Variants in FAT3 observed in about 807,000 individuals in gnomAD.
FAT3 encodes protocadherin Fat 3.
FAT3 carries 95 observed loss-of-function variants against 310.2 expected under a neutral mutation model. The observed-to-expected ratio is 0.31, with a 90% CI of 0.26 to 0.36. The LOEUF (loss-of-function observed/expected upper bound fraction) is 0.36, where lower values mean the gene tolerates loss of function less well. Among genes scored for constraint, FAT3 ranks in the 10% least tolerant of loss-of-function variants. The pLI, the probability that FAT3 is intolerant of heterozygous loss-of-function variation, is 1.00. For synonymous variants in FAT3, 2,314 were observed against 2,192.9 expected (o/e 1.06, Z -1.54); for missense variants, 5,408 against 5,715.6 (o/e 0.95, Z 1.74).
chr11:92,344,191 C>T (rs1948348687), intron 1 of FAT3, among the ~76,000 whole-genome samples: 1 of 152,160 alleles, frequency 6.6e-6, no homozygotes, highest in African/African-American at 2.4e-5. Context: ...CCCAATGTCT[C>T]ACTTATCCAC....
intron 1 of FAT3, among the ~76,000 whole-genome samples, chr11:92,311,664 G>T (rs1947308520): frequency 6.6e-6 from 1 of 152,166 alleles, no homozygotes; most frequent in African/African-American, 2.4e-5. Flanking sequence ...GGTGAAAGGA[G>T]GACACTATCA....
chr11:92,248,377 A>G (rs979259275), intron 1 of FAT3, among the ~76,000 whole-genome samples: 1 of 152,138 alleles, frequency 6.6e-6, no homozygotes, highest in Admixed American at 6.6e-5. Context: ...TACCCTCTGC[A>G]TACTTTTCCT....
At chr11:92,235,395 A>G (rs536763992) in intron 1 of FAT3, among the ~76,000 whole-genome samples, 2 of 152,104 alleles carry the variant, frequency 1.3e-5, no homozygotes, top group African/African-American at 2.4e-5. Context: ...GTCCCCCTAC[A>G]CTTTGTGGTA....
At chr11:92,889,343 G>A (rs1248233384) in intron 26 of FAT3, 95 bp downstream of exon 26, 6 of 533,318 alleles carry the variant, frequency 1.1e-5, no homozygotes, top group African/African-American at 7.8e-5. Context: ...CACAGAGGGG[G>A]CAATAAACAG....
At chr11:92,832,741 GA>G (rs1565633180) in intron 14 of FAT3, among the ~76,000 whole-genome samples, 1 of 152,096 alleles carries the variant, frequency 6.6e-6, no homozygotes, top group Non-Finnish European at 1.5e-5. Flanking sequence ...GCACATGTTG[GA>G]AAATGTTCAT....
At chr11:92,570,795 T>C (rs939318304) in intron 3 of FAT3, among the ~76,000 whole-genome samples, 2 of 152,232 alleles carry the variant, frequency 1.3e-5, no homozygotes, top group African/African-American at 4.8e-5. Flanking sequence ...CCAGTCGTTT[T>C]CAGGGTTTCT....
chr11:92,713,289 T>A (rs1944581547), intron 4 of FAT3, among the ~76,000 whole-genome samples: 1 of 152,210 alleles, frequency 6.6e-6, no homozygotes, highest in Non-Finnish European at 1.5e-5. Flanking sequence ...GTTCTCTCCT[T>A]GATTGTCATG....
chr11:92,354,738 C>G lies in FAT3; in HGVS notation c.2626C>G (p.Gln876Glu), dbSNP rs761429833. The G allele has an allele frequency of 5.6e-6, 9 of 1,613,906 alleles. No individual in the cohort carries two copies. In the South Asian group the frequency reaches 8.8e-5, roughly 16 times the overall value. The part of the protein sequence containing the change: ...VTYSVLTDTQ[Q>E]FAINSSTGIV... ...TTACTCAGTCTTGACAGATACACAG[C>G]AGTTTGCCATCAATAGCTCAACTGG... The change falls in exon 2 of 28, where the codon CAG becomes GAG. Residue 876 changes from glutamine to glutamate, a missense_variant. Transcript: ENST00000525166.
At chr11:92,774,201 A>G (rs530047026) in intron 7 of FAT3, 21 bp downstream of exon 7, 10 of 1,591,714 alleles carry the variant, frequency 6.3e-6, no homozygotes, top group Non-Finnish European at 8.6e-6. Context: ...AAATTACTGA[A>G]TAGCAGGAAT....
At chr11:92,516,469 G>A (rs1205970039) in intron 2 of FAT3, among the ~76,000 whole-genome samples, 2 of 152,080 alleles carry the variant, frequency 1.3e-5, no homozygotes. Flanking sequence ...CAATAAACTA[G>A]GTATTGAGGG....
rs145397709 is a variant in FAT3 at position 92,535,367 on chromosome 11, T to G, written c.3607+10419T>G. Among the ~76,000 whole-genome samples the G allele has an allele frequency of 3.9e-5, 6 of 152,276 alleles. No homozygotes were observed. The East Asian group carries it at 1.2e-3, about 29-fold the overall frequency. On this transcript the variant is annotated intron_variant, in intron 3 of 27. Transcript: ENST00000525166. ...ACCATGAATCTGCCAACAACCTGAT[T>G]GTGAACTTTCAGCCTTCAGAACTCT...
rs929483109 is a variant in FAT3, at chr11:92,555,703, C to T, written c.3607+30755C>T. ...AATCCTGGCAGCTACTCTTCTTCCT[C>T]AAGACTGGGTCAGAGCCCTGCTCAG... On this transcript the variant is annotated intron_variant, in intron 3 of 27. Transcript: ENST00000525166. Among the ~76,000 whole-genome samples the T allele has an allele frequency of 5.9e-5, 9 of 152,212 alleles. No individual in the cohort carries two copies. In the South Asian group the frequency reaches 6.2e-4, roughly 10 times the overall value.
chr11:92,327,195 C>T (rs1322112813), intron 1 of FAT3, among the ~76,000 whole-genome samples: 3 of 152,002 alleles, frequency 2.0e-5, no homozygotes, highest in Non-Finnish European at 4.4e-5. Flanking sequence ...TGTAGGCTTC[C>T]TATTAAAAGG....
chr11:92,800,491 G>A lies in FAT3; in HGVS notation c.7478G>A (p.Ser2493Asn). 5 of 1,613,974 alleles carry A rather than the reference G, an allele frequency of 3.1e-6. No homozygotes were observed. Among genetic ancestry groups the A allele is most frequent in the Non-Finnish European group, 4.2e-6 (5 of 1,179,868 alleles). Residue 2493 changes from serine (S) to asparagine (N), a missense_variant, in exon 10 of 28, where the codon AGC becomes AAC. Around this residue, in one of 5 missense-constraint regions of FAT3, gnomAD observed 4,588 missense variants for 4,809.8 expected, o/e 0.95. Transcript: ENST00000525166. Reference sequence around the variant, plus strand: ...AGGGTACTTGGGGCTAACTTGTACAGCCCTGCCTTTTCACAAAGCACATAC... The same window carrying A: ...AGGGTACTTGGGGCTAACTTGTACAACCCTGCCTTTTCACAAAGCACATAC... ...HIRVLGANLY[S>N]PAFSQSTYVA...
At position 92,798,759 on chromosome 11, in the gene FAT3, C is replaced by A; in HGVS notation, c.5746C>A (p.Pro1916Thr). 1 of 1,613,752 alleles carries A rather than the reference C, an allele frequency of 6.2e-7. No homozygotes were observed. The highest frequency in any genetic ancestry group is 1.1e-5 in the South Asian group (1 of 91,038). ...SATDPDSEVP[P>T]ELTYSLMEGS... is the part of the protein sequence containing the mutation. ...CACAGATCCTGACTCTGAGGTACCC[C>A]CTGAACTGACATACAGCCTAATGGA... The change falls in exon 10 of 28, where the codon CCT (proline) becomes ACT (threonine). Residue 1916 changes from proline to threonine, a missense_variant. Pro to Thr is a conservative substitution (Grantham distance 38). Coordinates refer to ENST00000525166, the MANE Select transcript of FAT3 (RefSeq NM_001367949.2).
chr11:92,284,859 C>T (rs1245950482), intron 1 of FAT3, among the ~76,000 whole-genome samples: 3 of 152,076 alleles, frequency 2.0e-5, no homozygotes, highest in South Asian at 2.1e-4. Context: ...GTGGAAGATC[C>T]TCTATAAATA....
rs1479912668 is a variant in FAT3, at chr11:92,801,554, A to C, written c.8541A>C (p.Gly2847=). 6.2e-7 allele frequency: 1 copy of C among 1,608,078 alleles called. No individual in the cohort carries two copies. Among genetic ancestry groups the C allele is most frequent in the East Asian group, 2.2e-5 (1 of 44,690 alleles). ...TTGATATGGACTGGGGAGCCAATGGACAAGTCACTTACTCCCTCCACTCGG... is the reference window on the plus strand; with the variant it reads ...TTGATATGGACTGGGGAGCCAATGGCCAAGTCACTTACTCCCTCCACTCGG... ...RAIDMDWGAN[G]QVTYSLHSDS... Residue 2847 remains glycine, a synonymous_variant, in exon 10 of 28, where the codon GGA becomes GGC. Transcript: ENST00000525166.
chr11:92,512,198 A>C (rs1164271495), intron 2 of FAT3, among the ~76,000 whole-genome samples: 3 of 152,174 alleles, frequency 2.0e-5, no homozygotes, highest in African/African-American at 4.8e-5. Flanking sequence ...CATATAAAGT[A>C]TATAAAAATA....
chr11:92,346,222 T>C (rs1591143327), intron 1 of FAT3, among the ~76,000 whole-genome samples: 1 of 152,142 alleles, frequency 6.6e-6, no homozygotes, highest in Non-Finnish European at 1.5e-5. Flanking sequence ...GGTATCAGAA[T>C]AGGCTGCTCT....
Sources: allele counts gnomAD v4.1 joint callset (sites outside exome capture counted in the v4.1 genomes callset), GRCh38; gene constraint gnomAD v4.1.1; regional missense constraint gnomAD v4.1.1; transcripts MANE v1.5; gene names NCBI Gene and HGNC (gene_info 2026-07-23, HGNC 2026-07-21).